Variants in UBE2O observed in about 807,000 individuals in gnomAD.
The protein encoded by UBE2O is (E3-independent) E2 ubiquitin-conjugating enzyme.
Under a neutral mutation model 125.8 loss-of-function variants are expected in UBE2O, and 15 were observed. The ratio of observed to expected loss-of-function variants is 0.12; its 90% CI spans 0.08 to 0.18. The LOEUF is 0.18. UBE2O is among the 10% of genes least tolerant of loss of function. UBE2O has a pLI of 1.00. For synonymous variants in UBE2O, 708 were observed against 703.2 expected, an observed-to-expected ratio of 1.01 and a Z score of -0.11; for missense variants, 1,280 against 1,723.6, an observed-to-expected ratio of 0.74 and a Z score of 4.56.
Position 76,405,496 on chromosome 17 carries a change from G to C in UBE2O, c.477+17C>G. The stretch of plus-strand genomic sequence containing the variant: ...CTGCCCCCAGGCCCGGGGCTGGGGT[G>C]GGGACGCAGGACTCACGGTGGATCG... On this transcript the variant is annotated intron_variant, in intron 2 of 17. Transcript: ENST00000319380. This position sits in a 1 kb window ranked among gnomAD's most constrained non-coding sequence, Gnocchi z 6.1. 1 of 1,593,308 alleles carries C rather than the reference G, an allele frequency of 6.3e-7. No individual in the cohort carries two copies.
intron 1 of UBE2O, among the ~76,000 whole-genome samples, chr17:76,430,074 A>G (rs571681353): frequency 1.3e-5 from 2 of 152,206 alleles, no homozygotes; most frequent in East Asian, 3.9e-4. Context: ...ATTGCCTCCA[A>G]TTCCTGATGC....
At position 76,390,850 on chromosome 17, in the gene UBE2O, G is replaced by A; in HGVS notation, c.*93C>T. The A allele has an allele frequency of 7.5e-7, 1 of 1,327,764 alleles. No individual in the cohort carries two copies. 82.2% of individuals were successfully genotyped at this position (1,327,764 alleles called of 1,614,324 possible). A position where few individuals can be genotyped will look rare whatever the true frequency, so the allele number is the denominator to read the frequency against. ...GGGCAGTGGGTTTGCAGTGGGGACAGAGGGGCATGGGAAGAGGGGTGATTC... is the reference window on the plus strand; with the variant it reads ...GGGCAGTGGGTTTGCAGTGGGGACAAAGGGGCATGGGAAGAGGGGTGATTC... On this transcript the variant is annotated 3_prime_UTR_variant, in exon 18 of 18. Transcript: ENST00000319380.
At position 76,400,056 on chromosome 17, in the gene UBE2O, G is replaced by C; in HGVS notation, c.1155+91C>G. ...AAGGGTCATCAGGGCTGCCCCCCAAGGCCTAAAGCACAGACTGTCCTTCTT... is the reference window on the plus strand; with the variant it reads ...AAGGGTCATCAGGGCTGCCCCCCAACGCCTAAAGCACAGACTGTCCTTCTT... On this transcript the variant is annotated intron_variant, in intron 8 of 17. Transcript: ENST00000319380. This position sits in a 1 kb window ranked among gnomAD's most constrained non-coding sequence, Gnocchi z 4.3. 6.5e-7 allele frequency: 1 copy of C among 1,543,726 alleles called. No individual in the cohort carries two copies. The highest frequency in any genetic ancestry group is 2.3e-5 in the East Asian group (1 of 44,398).
intron 1 of UBE2O, among the ~76,000 whole-genome samples, chr17:76,406,705 T>TG (rs1443008401): frequency 7.3e-6 from 1 of 136,224 alleles, no homozygotes; most frequent in African/African-American, 2.8e-5. Flanking sequence ...TTTTTTTTTT[T>TG]TTTTTTTTTT....
At position 76,395,801 on chromosome 17, in the gene UBE2O, G is replaced by A; in HGVS notation, c.2870C>T (p.Thr957Ile). ...QPPEAKKFFSTVRKEMALLAT... is the reference protein window; with the variant it reads ...QPPEAKKFFSIVRKEMALLAT... ...CAGCAGCGCCATCTCCTTCCGCACT[G>A]TGCTGAAGAACTTCTTGGCTTCTGG... The change falls in exon 15 of 18, where the codon ACA (threonine) becomes ATA (isoleucine). Residue 957 changes from threonine to isoleucine, a missense_variant. Thr to Ile is a moderately conservative substitution (Grantham distance 89). Transcript: ENST00000319380. This position sits in a 1 kb window ranked among gnomAD's most constrained non-coding sequence, Gnocchi z 5.0. The A allele has an allele frequency of 6.2e-7, 1 of 1,614,238 alleles. No individual in the cohort carries two copies. Among genetic ancestry groups the A allele is most frequent in the South Asian group, 1.1e-5 (1 of 91,080 alleles).
chr17:76,412,395 C>G (rs2072532057), intron 1 of UBE2O, among the ~76,000 whole-genome samples: 1 of 152,202 alleles, frequency 6.6e-6, no homozygotes, highest in Admixed American at 6.5e-5. Context: ...TCCACCCCCT[C>G]CCTGACCCCC....
Position 76,404,169 on chromosome 17 carries a change from T to TTC in UBE2O, c.588+1035_588+1036dup, listed in dbSNP as rs1316928192. On this transcript the variant is annotated intron_variant, in intron 3 of 17. Transcript: ENST00000319380. This position sits in a 1 kb window ranked among gnomAD's most constrained non-coding sequence, Gnocchi z 4.3. Reference sequence around the variant, plus strand: ...TGAATGGAGGCCAAAGCTGGTGGATTTCAGTTTGACAAATGACAGGTTATA... The same window carrying TTC: ...TGAATGGAGGCCAAAGCTGGTGGATTTCTCAGTTTGACAAATGACAGGTTATA... Among the ~76,000 whole-genome samples, 1 of 152,212 alleles carries TTC rather than the reference T, an allele frequency of 6.6e-6. No homozygotes were observed. The highest frequency in any genetic ancestry group is 1.5e-5 in the Non-Finnish European group (1 of 68,044).
In UBE2O at chr17:76,398,215, G is replaced by A. The variant is rs746407523; in HGVS notation, c.2025+40C>T. The A allele has an allele frequency of 3.1e-6, 5 of 1,613,360 alleles. No homozygotes were observed. The highest frequency in any genetic ancestry group is 1.7e-5 in the Admixed American group (1 of 59,998). ...TCAGGGACTGCAGCTGGTGCACAGG[G>A]CAGTGAGCAGCCATCCAGAACTTGA... On this transcript the variant is annotated intron_variant, in intron 12 of 17. Coordinates refer to ENST00000319380, the MANE Select transcript of UBE2O (RefSeq NM_022066.4). The surrounding 1 kb of genome is among the most constrained non-coding windows in gnomAD (Gnocchi z 5.4).
At chr17:76,441,865 A>G (rs766034432) in intron 1 of UBE2O, among the ~76,000 whole-genome samples, 2 of 152,246 alleles carry the variant, frequency 1.3e-5, no homozygotes, top group Non-Finnish European at 2.9e-5. Context: ...GGCCTGGCAT[A>G]GCCACTGCAA....
intron 1 of UBE2O, among the ~76,000 whole-genome samples, chr17:76,422,229 T>C (rs1357538298): frequency 6.6e-6 from 1 of 152,116 alleles, no homozygotes; most frequent in East Asian, 1.9e-4. Context: ...GCCTGAGTGG[T>C]CCTGAAAGGG....
At chr17:76,450,841 G>A (rs903991222) in intron 1 of UBE2O, among the ~76,000 whole-genome samples, 18 of 152,124 alleles carry the variant, frequency 1.2e-4, no homozygotes, top group Non-Finnish European at 2.4e-4. Flanking sequence ...GGCTGGTCTC[G>A]AACTCCTGAC....
rs1175978231 is a variant in UBE2O at position 76,399,982 on chromosome 17, G to C, written c.1156-61C>G. 3 of 1,541,824 alleles carry C rather than the reference G, an allele frequency of 1.9e-6. No individual in the cohort carries two copies. In the Admixed American group the frequency reaches 5.8e-5, roughly 30 times the overall value. On this transcript the variant is annotated intron_variant, in intron 8 of 17. Transcript: ENST00000319380. This position sits in a 1 kb window ranked among gnomAD's most constrained non-coding sequence, Gnocchi z 6.9. ...GTGCACCTGGGCAGGCCTGGCCCTA[G>C]GCATCTCAGGCTGGGGGGATGACAG...
chr17:76,418,638 C>T lies in UBE2O; in HGVS notation c.418-13066G>A, dbSNP rs551667267. On this transcript the variant is annotated intron_variant, in intron 1 of 17. Coordinates refer to ENST00000319380, the MANE Select transcript of UBE2O (RefSeq NM_022066.4). ...AGGCTGGAGTGCAGTGGCGCGATCTCGGCTCACTGCAAGCTCCACCTCCTG... is the reference window on the plus strand; with the variant it reads ...AGGCTGGAGTGCAGTGGCGCGATCTTGGCTCACTGCAAGCTCCACCTCCTG... Among the ~76,000 whole-genome samples the T allele has an allele frequency of 9.9e-5, 15 of 150,990 alleles. No homozygotes were observed. In the East Asian group the frequency reaches 2.7e-3, roughly 28 times the overall value.
chr17:76,395,660 G>T lies in UBE2O; in HGVS notation c.2946+65C>A. ...CCGGAGGTTTGGGGACCCAAGGTTG[G>T]TGGCCTCTTGGGCACTGGGTGCCCA... On this transcript the variant is annotated intron_variant, in intron 15 of 17. Coordinates refer to ENST00000319380, the MANE Select transcript of UBE2O (RefSeq NM_022066.4). The surrounding 1 kb of genome is among the most constrained non-coding windows in gnomAD (Gnocchi z 5.0). The T allele has an allele frequency of 6.5e-7, 1 of 1,546,982 alleles. No homozygotes were observed.
chr17:76,423,725 T>TAAATAAAGAAATAAATAAATAAAA, intron 1 of UBE2O, among the ~76,000 whole-genome samples: 1 of 148,936 alleles, frequency 6.7e-6, no homozygotes, highest in Admixed American at 6.7e-5. Flanking sequence ...AATAAATAAA[T>TAAATAAAGAAATAAATAAATAAAA]AAAAAATAAG....
At chr17:76,428,017 C>T (rs543313655) in intron 1 of UBE2O, among the ~76,000 whole-genome samples, 63 of 152,276 alleles carry the variant, frequency 4.1e-4, no homozygotes, top group African/African-American at 1.4e-3. Context: ...GCTTTGCTTT[C>T]GGTTCTCTGT....
chr17:76,428,884 A>G (rs1379074359), intron 1 of UBE2O, among the ~76,000 whole-genome samples: 1 of 151,412 alleles, frequency 6.6e-6, no homozygotes, highest in East Asian at 1.9e-4. Flanking sequence ...CATGAAGGGT[A>G]GAGGGGACCC....
intron 1 of UBE2O, among the ~76,000 whole-genome samples, chr17:76,449,418 T>C (rs1349796533): frequency 1.3e-5 from 2 of 152,018 alleles, no homozygotes; most frequent in East Asian, 3.9e-4. Context: ...CTACTAAAAA[T>C]ACAAAAATTA....
chr17:76,448,833 T>A (rs2073189124), intron 1 of UBE2O, among the ~76,000 whole-genome samples: 2 of 152,236 alleles, frequency 1.3e-5, no homozygotes, highest in African/African-American at 2.4e-5. Context: ...TTTGGCTTTG[T>A]TACAAAATTT....
Sources: allele counts gnomAD v4.1 joint callset (sites outside exome capture counted in the v4.1 genomes callset), GRCh38; gene constraint gnomAD v4.1.1; non-coding constraint Gnocchi (gnomAD v3.1); transcripts MANE v1.5; gene names NCBI Gene and HGNC (gene_info 2026-07-23, HGNC 2026-07-21).